TMC1: variants seen among roughly 807,000 people sequenced by gnomAD.
The protein encoded by TMC1 is transmembrane channel like 1.
In TMC1, 84 loss-of-function variants were observed where a neutral mutation model predicts 105.8. That is an observed-to-expected ratio of 0.79 (90% CI 0.67 to 0.95). The LOEUF (loss-of-function observed/expected upper bound fraction) is 0.95, where lower values mean the gene tolerates loss of function less well. TMC1 is among the 40% of genes least tolerant of loss of function. The probability of loss-of-function intolerance (pLI) is 0.00; values close to 1 mark genes in which losing one functional copy is unlikely to be tolerated. For synonymous variants in TMC1, 315 were observed against 311.5 expected, an observed-to-expected ratio of 1.01 and a Z score of -0.12; for missense variants, 817 against 914.1, an observed-to-expected ratio of 0.89 and a Z score of 1.37.
At chr9:72,560,483 T>G (rs145140870) in intron 1 of TMC1, among the ~76,000 whole-genome samples, 1 of 152,128 alleles carries the variant, frequency 6.6e-6, no homozygotes, top group Non-Finnish European at 1.5e-5. Flanking sequence ...TGTGATGGAG[T>G]TGTTGTCATT....
At chr9:72,658,690 A>G (rs1222142042) in intron 5 of TMC1, among the ~76,000 whole-genome samples, 1 of 152,240 alleles carries the variant, frequency 6.6e-6, no homozygotes, top group Non-Finnish European at 1.5e-5. Flanking sequence ...AGCCAAGTAC[A>G]TGCAATAAAA....
At position 72,670,031 on chromosome 9, in the gene TMC1, C is replaced by A. The variant is rs143068550; in HGVS notation, c.17-18678C>A. Among the ~76,000 whole-genome samples the A allele has an allele frequency of 1.0e-3, 159 of 152,108 alleles. 1 individual carries two copies. Among genetic ancestry groups the A allele is most frequent in the Non-Finnish European group, 2.0e-3 (135 of 67,994 alleles). ...GCTCTTTCTGAGTTAAGGAGAGAGA[C>A]CTGAAAGTCTGCAGGTACAAAGATA... On this transcript the variant is annotated intron_variant, in intron 5 of 23. Coordinates refer to ENST00000297784, the MANE Select transcript of TMC1 (RefSeq NM_138691.3).
At chr9:72,716,842 C>A (rs1248169972) in intron 8 of TMC1, among the ~76,000 whole-genome samples, 1 of 152,200 alleles carries the variant, frequency 6.6e-6, no homozygotes, top group Non-Finnish European at 1.5e-5. Context: ...AGCTCTGTGT[C>A]TGCCCAAACG....
At chr9:72,600,240 C>T (rs1367191168) in intron 2 of TMC1, among the ~76,000 whole-genome samples, 1 of 152,110 alleles carries the variant, frequency 6.6e-6, no homozygotes, top group Non-Finnish European at 1.5e-5. Context: ...GCAACTTTAC[C>T]TTTAACTGTG....
Position 72,528,335 on chromosome 9 carries a change from AT to A in TMC1, c.-428+6438del, listed in dbSNP as rs555613729. ...CTTGCTTATAAACCATAAGTTCATG[AT>A]TTTTTTTTTTTTTTTGAGACGGAGT... On this transcript the variant is annotated intron_variant, in intron 1 of 23. Transcript: ENST00000297784. Among the ~76,000 whole-genome samples the A allele has an allele frequency of 5.3e-3, 743 of 141,128 alleles. 1 individual carries two copies. The highest frequency in any genetic ancestry group is 0.02 in the East Asian group (95 of 4,844). 92.6% of individuals were successfully genotyped at this position (141,128 alleles called of 152,430 possible). A position where few individuals can be genotyped will look rare whatever the true frequency, so the allele number is the denominator to read the frequency against.
At chr9:72,767,838 G>A (rs1827864016) in intron 12 of TMC1, among the ~76,000 whole-genome samples, 2 of 152,158 alleles carry the variant, frequency 1.3e-5, no homozygotes, top group African/African-American at 4.8e-5. Flanking sequence ...CCTTGGCTGG[G>A]CTAGGAGTCA....
intron 19 of TMC1, 100 bp downstream of exon 19, chr9:72,816,310 T>C (rs1206602685): frequency 8.5e-7 from 1 of 1,173,386 alleles, no homozygotes; most frequent in African/African-American, 1.5e-5. Context: ...ATACAATCGG[T>C]GTCTAACTCC....
intron 1 of TMC1, among the ~76,000 whole-genome samples, chr9:72,563,516 G>A (rs1221869899): frequency 2.0e-5 from 3 of 152,160 alleles, no homozygotes; most frequent in Non-Finnish European, 4.4e-5. Flanking sequence ...CCATTTGGGA[G>A]GGGAGGAAGG....
chr9:72,815,431 TTAA>T (rs1828770521), intron 18 of TMC1, among the ~76,000 whole-genome samples: 2 of 152,196 alleles, frequency 1.3e-5, no homozygotes, highest in South Asian at 4.1e-4. Context: ...TATGTTAAAG[TTAA>T]TTCACATTTT....
intron 2 of TMC1, among the ~76,000 whole-genome samples, chr9:72,606,666 A>C (rs1824918722): frequency 6.6e-6 from 1 of 152,194 alleles, no homozygotes; most frequent in Non-Finnish European, 1.5e-5. Flanking sequence ...TACTATAAAA[A>C]TACTTACTTT....
rs376876900 is a variant in TMC1, at chr9:72,605,575, AT to A, written c.-305-10775del. 6.0e-3 allele frequency among the ~76,000 whole-genome samples: 789 copies of A among 131,656 alleles called. 4 individuals carry two copies. The highest frequency in any genetic ancestry group is 0.015 in the African/African-American group (524 of 34,714). 86.4% of individuals were successfully genotyped at this position (131,656 alleles called of 152,430 possible). On this transcript the variant is annotated intron_variant, in intron 2 of 23. Coordinates refer to ENST00000297784, the MANE Select transcript of TMC1 (RefSeq NM_138691.3). ...ATTTATAAGCATTCCAGTCAGATTA[AT>A]TTTTTTTTTTTTTTTTTGAGATGGA...
chr9:72,648,285 A>G (rs1370731258), intron 4 of TMC1, among the ~76,000 whole-genome samples: 2 of 152,222 alleles, frequency 1.3e-5, no homozygotes, highest in Non-Finnish European at 2.9e-5. Flanking sequence ...ATAAAACCAT[A>G]GAATGGAAGG....
In TMC1 at chr9:72,761,922, A is replaced by G. The variant is rs147042221; in HGVS notation, c.741+7038A>G. On this transcript the variant is annotated intron_variant, in intron 12 of 23. Transcript: ENST00000297784. ...TTTTAGAACTATTTCAGTGGTTCGA[A>G]TGCATCTTTATTTGAAAAGGTGAAT... Among the ~76,000 whole-genome samples the G allele has an allele frequency of 4.3e-3, 654 of 152,316 alleles. 2 individuals are homozygous for G. The highest frequency in any genetic ancestry group is 0.015 in the African/African-American group (627 of 41,572).
At chr9:72,753,879 G>A (rs1306886773) in intron 11 of TMC1, among the ~76,000 whole-genome samples, 1 of 152,184 alleles carries the variant, frequency 6.6e-6, no homozygotes, top group African/African-American at 2.4e-5. Context: ...GGGCGAGACA[G>A]TGTGTCTGGA....
intron 12 of TMC1, among the ~76,000 whole-genome samples, chr9:72,762,327 G>C (rs1010019165): frequency 1.3e-5 from 2 of 152,158 alleles, no homozygotes; most frequent in Admixed American, 6.5e-5. Flanking sequence ...CACTCTGGTG[G>C]GTCCAAGGAG....
chr9:72,771,185 G>T (rs1003108771), intron 12 of TMC1, among the ~76,000 whole-genome samples: 2 of 152,148 alleles, frequency 1.3e-5, no homozygotes, highest in Non-Finnish European at 2.9e-5. Flanking sequence ...CCCGAGTTAA[G>T]CACACAAGTT....
chr9:72,595,872 C>CTTTTTT (rs59299971), intron 2 of TMC1, among the ~76,000 whole-genome samples: 1 of 121,010 alleles, frequency 8.3e-6, no homozygotes, highest in Non-Finnish European at 1.8e-5. Flanking sequence ...GATGGGGTTT[C>CTTTTTT]TTTTTTTTTT....
intron 12 of TMC1, among the ~76,000 whole-genome samples, chr9:72,756,327 A>G (rs1187653299): frequency 6.6e-6 from 1 of 152,222 alleles, no homozygotes; most frequent in African/African-American, 2.4e-5. Flanking sequence ...AATTTAAAAA[A>G]AGGAAAAAAG....
chr9:72,728,888 A>AT (rs1827163539), intron 8 of TMC1, among the ~76,000 whole-genome samples: 1 of 151,884 alleles, frequency 6.6e-6, no homozygotes, highest in Admixed American at 6.6e-5. Flanking sequence ...TTATTTTTAA[A>AT]TTTTTCATTA....
Sources: gnomAD v4.1 joint callset for allele counts (sites outside exome capture counted in the v4.1 genomes callset) on GRCh38, gnomAD v4.1.1 for gene constraint, MANE v1.5 for transcripts, NCBI Gene and HGNC (gene_info 2026-07-23, HGNC 2026-07-21) for gene names.